The following CFAP184 variants were observed in gnomAD, a reference collection of about 807,000 sequenced individuals.
CFAP184 encodes cilia and flagella associated protein 184.
At chr4:7,041,617 T>C in the CFAP184 span, 1 of 1,614,128 alleles carries the variant, frequency 6.2e-7, no homozygotes, top group African/African-American at 1.3e-5. Context: ...GGTTATTACT[T>C]GCACACTGTT....
chr4:7,042,895 C>G, the CFAP184 span: 1 of 1,552,918 alleles, frequency 6.4e-7, no homozygotes, highest in South Asian at 1.2e-5. Flanking sequence ...CCCGTCTCCG[C>G]CTTCCCCGCC....
the CFAP184 span, chr4:7,042,911 CCT>C: frequency 6.5e-7 from 1 of 1,542,742 alleles, no homozygotes; most frequent in Non-Finnish European, 8.7e-7. Flanking sequence ...CCGCCGGGGT[CCT>C]TAGTGTGCTC....
chr4:7,042,381 A>G, the CFAP184 span: 1 of 1,609,904 alleles, frequency 6.2e-7, no homozygotes, highest in Non-Finnish European at 8.5e-7. Context: ...GTCCTTCCCC[A>G]TCCCTCTCCT....
the CFAP184 span, chr4:7,042,050 GCTT>G: frequency 1.9e-6 from 3 of 1,611,020 alleles, no homozygotes; most frequent in Non-Finnish European, 2.5e-6. Context: ...TCTGCCTGCT[GCTT>G]CTTCAGCTCC....
the CFAP184 span, chr4:7,042,096 C>G: frequency 6.2e-7 from 1 of 1,609,398 alleles, no homozygotes; most frequent in Non-Finnish European, 8.5e-7. Context: ...GGTACGCTTG[C>G]TCTTTCTCGG....
At chr4:7,042,021 G>A in the CFAP184 span, 1 of 1,611,936 alleles carries the variant, frequency 6.2e-7, no homozygotes, top group South Asian at 1.1e-5. Flanking sequence ...CCAGCTCCTG[G>A]TGGTACCACT....
At chr4:7,041,660 C>A in the CFAP184 span, 8 of 1,614,114 alleles carry the variant, frequency 5.0e-6, no homozygotes, top group African/African-American at 1.3e-5. Context: ...AAAAGTTCCT[C>A]ATTTCGTTCC....
chr4:7,042,963 C>A, the CFAP184 span: 1 of 1,399,430 alleles, frequency 7.1e-7, no homozygotes, highest in Non-Finnish European at 9.3e-7. Flanking sequence ...GCCAGCGCAG[C>A]GGACCCCGGC....
chr4:7,042,480 C>T, the CFAP184 span: 6 of 1,610,620 alleles, frequency 3.7e-6, no homozygotes, highest in Non-Finnish European at 5.1e-6. Context: ...CTGCAGCAGC[C>T]TCTTCCTCAT....
chr4:7,041,671 TC>T, the CFAP184 span: 2 of 1,614,208 alleles, frequency 1.2e-6, no homozygotes, highest in Non-Finnish European at 1.7e-6. Context: ...ATTTCGTTCC[TC>T]AATTTTCTCA....
At chr4:7,042,554 G>T in the CFAP184 span, 1 of 1,574,936 alleles carries the variant, frequency 6.3e-7, no homozygotes. Flanking sequence ...GCCTGCTCCA[G>T]TTCCTCCGCC....
At chr4:7,041,520 T>G in the CFAP184 span, 1 of 1,614,112 alleles carries the variant, frequency 6.2e-7, no homozygotes, top group Non-Finnish European at 8.5e-7. Context: ...TGTCTCTTCC[T>G]AGGGCGGCCT....
the CFAP184 span, chr4:7,042,183 C>CT: frequency 1.2e-6 from 2 of 1,600,510 alleles, no homozygotes; most frequent in South Asian, 2.2e-5. Context: ...CCTCGAAGAT[C>CT]TTGTGCTGCA....
the CFAP184 span, chr4:7,042,812 G>C: frequency 6.4e-7 from 1 of 1,564,408 alleles, no homozygotes. Context: ...TCCGACTCCA[G>C]CTCCCCGGGT....
chr4:7,041,689 G>A, the CFAP184 span: 7 of 1,614,198 alleles, frequency 4.3e-6, no homozygotes, highest in South Asian at 6.6e-5. Flanking sequence ...CTCATTGAAG[G>A]TTTGGTTCTC....
At chr4:7,041,488 G>T in the CFAP184 span, 2 of 1,614,198 alleles carry the variant, frequency 1.2e-6, no homozygotes, top group Non-Finnish European at 1.7e-6. Flanking sequence ...CCCCTCTCGG[G>T]CTTGCTTCGT....
the CFAP184 span, chr4:7,041,485 C>T: frequency 8.0e-5 from 129 of 1,614,228 alleles, 4 homozygotes; most frequent in South Asian, 1.4e-3. Context: ...CAGCCCCTCT[C>T]GGGCTTGCTT....
At chr4:7,041,871 T>C in the CFAP184 span, 135 of 1,610,578 alleles carry the variant, frequency 8.4e-5, 1 homozygote, top group East Asian at 9.8e-4. Context: ...GCTCCACCTC[T>C]CGCAGAGCAG....
chr4:7,041,094 C>T, the CFAP184 span: 1 of 958,712 alleles, frequency 1.0e-6, no homozygotes. Context: ...CCAGATAAAA[C>T]TCCTAACCCA....
Sources: allele counts gnomAD v4.1 joint callset, GRCh38; gene constraint gnomAD v4.1.1; transcripts MANE v1.5; gene names NCBI Gene and HGNC (gene_info 2026-07-23, HGNC 2026-07-21).